CD163L1: variants seen among roughly 807,000 people sequenced by gnomAD.
CD163L1 encodes the protein scavenger receptor cysteine-rich type 1 protein M160.
In CD163L1, 124 loss-of-function variants were observed where a neutral mutation model predicts 165.4. The observed-to-expected ratio is 0.75, with a 90% CI of 0.65 to 0.87. The LOEUF (loss-of-function observed/expected upper bound fraction) is 0.87. Ranked by LOEUF, CD163L1 falls within the 40% of genes least tolerant of loss-of-function variation. The pLI is 0.00. For missense variants in CD163L1, 1,525 were observed against 1,799.9 expected (o/e 0.85, Z 2.76); for synonymous variants, 585 against 662.2 (o/e 0.88, Z 1.79).
At chr12:7,397,944 C>G (rs1947813860) in intron 7 of CD163L1, among the ~76,000 whole-genome samples, 1 of 152,158 alleles carries the variant, frequency 6.6e-6, no homozygotes, top group Non-Finnish European at 1.5e-5. Flanking sequence ...TAGAAAGGCT[C>G]TAATAGTTTG....
the CD163L1 span, among the ~76,000 whole-genome samples, chr12:7,334,376 C>T: frequency 6.6e-6 from 1 of 152,074 alleles, no homozygotes; most frequent in Non-Finnish European, 1.5e-5. Context: ...ATAAACAGAA[C>T]CAAAGACAAA....
Position 7,406,587 on chromosome 12 carries a change from G to A in CD163L1, c.1032C>T (p.Ser344=), listed in dbSNP as rs1464957571. 1.9e-6 allele frequency: 3 copies of A among 1,613,968 alleles called. No individual in the cohort carries two copies. The highest frequency in any genetic ancestry group is 1.7e-6 in the Non-Finnish European group (2 of 1,179,974). The change falls in exon 5 of 20, where the codon TCC becomes TCT. Residue 344 remains serine, a synonymous_variant. Transcript: ENST00000313599. ...GAAGACAGTCAAAATTGACGGTTCC[G>A]GAATGTCTGCAGTCCCAAAGAAAAG... ...NESFLWDCRH[S]GTVNFDCLHQ... is the part of the protein sequence containing the mutation.
chr12:7,330,160 G>A, the CD163L1 span, among the ~76,000 whole-genome samples: 1 of 152,106 alleles, frequency 6.6e-6, no homozygotes. Flanking sequence ...TAAAGCTATG[G>A]AAGGAAGGTC....
intron 6 of CD163L1, among the ~76,000 whole-genome samples, chr12:7,399,483 T>TTCC (rs1555199497): frequency 4.0e-5 from 6 of 149,262 alleles, no homozygotes; most frequent in South Asian, 2.2e-4. Context: ...TCCTTCCTTC[T>TTCC]TCTTCCTCTT....
At chr12:7,408,306 A>T (rs1422014925) in intron 4 of CD163L1, among the ~76,000 whole-genome samples, 4 of 152,170 alleles carry the variant, frequency 2.6e-5, no homozygotes, top group Admixed American at 2.6e-4. Flanking sequence ...TAATACAGGT[A>T]TTAATTTGTG....
chr12:7,421,612 CATATAT>C lies in CD163L1; in HGVS notation c.766+10798_766+10803del, dbSNP rs1948429531. Among the ~76,000 whole-genome samples the C allele has an allele frequency of 9.8e-4, 4 of 4,072 alleles. 1 individual carries two copies. The highest frequency in any genetic ancestry group is 0.029 in the South Asian group (2 of 68). 2.7% of individuals were successfully genotyped at this position (4,072 alleles called of 152,430 possible). ...ACATATACATATATGTACACATATA[CATATAT>C]GTACATATATACATATATGTACACA... On this transcript the variant is annotated intron_variant, in intron 4 of 19. Transcript: ENST00000313599.
downstream of CD163L1, among the ~76,000 whole-genome samples, chr12:7,351,585 T>A (rs1485635902): frequency 2.0e-5 from 3 of 152,134 alleles, no homozygotes; most frequent in African/African-American, 7.2e-5. Flanking sequence ...TCTCCAAATA[T>A]AGCCACAGCA....
the CD163L1 span, among the ~76,000 whole-genome samples, chr12:7,336,964 A>G: frequency 6.6e-6 from 1 of 152,220 alleles, no homozygotes. Context: ...TAATGGTACC[A>G]AAACAGATAC....
At position 7,369,716 on chromosome 12, in the gene CD163L1, A is replaced by G. The variant is rs1487336566; in HGVS notation, c.3731-51T>C. On this transcript the variant is annotated intron_variant, in intron 14 of 19. Coordinates refer to ENST00000313599, the MANE Select transcript of CD163L1 (RefSeq NM_174941.6). This position sits in a 1 kb window ranked among gnomAD's most constrained non-coding sequence, Gnocchi z 4.9. ...CTTTACTCCTGAAGGAGGTTGTGGG[A>G]GAATGCTGAGGTAGAAAAACTTGAA... 5.2e-6 allele frequency: 8 copies of G among 1,539,780 alleles called. No individual in the cohort carries two copies. The African/African-American group carries it at 1.1e-4, about 21-fold the overall frequency.
chr12:7,327,106 T>C, the CD163L1 span: 1 of 1,588,424 alleles, frequency 6.3e-7, no homozygotes, highest in Non-Finnish European at 8.6e-7. Flanking sequence ...GCAAGTGCTT[T>C]GCCCAAAAGT....
At chr12:7,407,205 G>A (rs10845101) in intron 4 of CD163L1, among the ~76,000 whole-genome samples, 18,736 of 152,018 alleles carry the variant, frequency 0.12, 1,670 homozygotes, top group African/African-American at 0.24. Context: ...AGTCTAGCCA[G>A]CAAACATTTT....
intron 5 of CD163L1, among the ~76,000 whole-genome samples, chr12:7,405,077 G>A (rs118099080): frequency 5.6e-4 from 85 of 152,192 alleles, no homozygotes; most frequent in Non-Finnish European, 1.0e-3. Flanking sequence ...CTGTTGGGAC[G>A]GTTTTCCAAC....
the CD163L1 span, among the ~76,000 whole-genome samples, chr12:7,332,706 TA>T: frequency 6.6e-6 from 1 of 152,130 alleles, no homozygotes; most frequent in African/African-American, 2.4e-5. Flanking sequence ...GAAGGAGAAA[TA>T]AAATACTTCA....
intron 6 of CD163L1, among the ~76,000 whole-genome samples, chr12:7,403,237 A>G (rs1190182481): frequency 6.6e-6 from 1 of 152,174 alleles, no homozygotes; most frequent in African/African-American, 2.4e-5. Context: ...TGTTAAGAAA[A>G]CTGTAAATTA....
downstream of CD163L1, among the ~76,000 whole-genome samples, chr12:7,343,296 G>A (rs751357867): frequency 6.6e-6 from 1 of 152,170 alleles, no homozygotes; most frequent in Non-Finnish European, 1.5e-5. Context: ...AACGATTTGC[G>A]AAAGTCTCTT....
the CD163L1 span, among the ~76,000 whole-genome samples, chr12:7,330,455 C>A: frequency 6.6e-6 from 1 of 152,172 alleles, no homozygotes; most frequent in African/African-American, 2.4e-5. Context: ...TACCCAGGAA[C>A]AGTCCTTGAA....
chr12:7,343,654 C>T (rs1946651100), downstream of CD163L1, among the ~76,000 whole-genome samples: 1 of 152,156 alleles, frequency 6.6e-6, no homozygotes, highest in Non-Finnish European at 1.5e-5. Context: ...TAGCAGCAAG[C>T]CATGAGGGAT....
At chr12:7,323,526 C>T in the CD163L1 span, 1 of 1,613,820 alleles carries the variant, frequency 6.2e-7, no homozygotes. Context: ...AGACTCAAAC[C>T]TACACGGCCC....
At chr12:7,362,067 A>G (rs796816724) in intron 18 of CD163L1, among the ~76,000 whole-genome samples, 33 of 150,018 alleles carry the variant, frequency 2.2e-4, no homozygotes, top group African/African-American at 7.5e-4. Flanking sequence ...GTTCATCTAC[A>G]TTCCATTGTA....
Sources: allele counts gnomAD v4.1 joint callset (sites outside exome capture counted in the v4.1 genomes callset), GRCh38; gene constraint gnomAD v4.1.1; non-coding constraint Gnocchi (gnomAD v3.1); transcripts MANE v1.5; gene names NCBI Gene and HGNC (gene_info 2026-07-23, HGNC 2026-07-21).